Variants in FBXW7 observed in about 807,000 individuals in gnomAD.
FBXW7 encodes the protein F-box and WD repeat domain containing 7, also known as F-box/WD repeat-containing protein 7.
A neutral mutation model predicts 86.3 loss-of-function variants in FBXW7; 11 were observed. That is an observed-to-expected ratio of 0.13 (90% CI 0.08 to 0.21). The LOEUF (loss-of-function observed/expected upper bound fraction) is 0.21. Ranked by LOEUF, FBXW7 falls within the 10% of genes least tolerant of loss-of-function variation. The probability of loss-of-function intolerance (pLI) is 1.00; values close to 1 mark genes in which losing one functional copy is unlikely to be tolerated. For missense variants in FBXW7, 488 were observed against 847.4 expected, an observed-to-expected ratio of 0.58 and a Z score of 5.27; for synonymous variants, 313 against 297.9, an observed-to-expected ratio of 1.05 and a Z score of -0.52.
At chr4:152,518,097 T>G (rs562507860) in intron 2 of FBXW7, among the ~76,000 whole-genome samples, 11 of 152,276 alleles carry the variant, frequency 7.2e-5, no homozygotes, top group South Asian at 2.1e-4. Flanking sequence ...CAAGCAATTC[T>G]CCTGCCTCAG....
At chr4:152,523,820 T>C (rs1368255111) in intron 2 of FBXW7, among the ~76,000 whole-genome samples, 1 of 152,154 alleles carries the variant, frequency 6.6e-6, no homozygotes, top group Non-Finnish European at 1.5e-5. Flanking sequence ...ATCTATTTTG[T>C]TTTGTGTATT....
At chr4:152,439,593 C>T (rs538654210) in intron 2 of FBXW7, among the ~76,000 whole-genome samples, 8 of 152,090 alleles carry the variant, frequency 5.3e-5, no homozygotes, top group Middle Eastern at 3.4e-3. Context: ...AAGAAGTCCA[C>T]GGTGGCTCAG....
At chr4:152,410,275 A>T (rs1045227996) in intron 4 of FBXW7, among the ~76,000 whole-genome samples, 8 of 152,194 alleles carry the variant, frequency 5.3e-5, no homozygotes, top group East Asian at 1.9e-4. Flanking sequence ...ACCTTGAAGA[A>T]GATGATCAAG....
At chr4:152,419,494 A>AACACACACACACACACACACACAC (rs57894523) in intron 2 of FBXW7, among the ~76,000 whole-genome samples, 2 of 123,264 alleles carry the variant, frequency 1.6e-5, no homozygotes, top group Non-Finnish European at 1.7e-5. Flanking sequence ...GGATAAGGTA[A>AACACACACACACACACACACACAC]ACACACACAC....
chr4:152,523,994 A>G (rs939920792), intron 2 of FBXW7, among the ~76,000 whole-genome samples: 1 of 152,200 alleles, frequency 6.6e-6, no homozygotes, highest in Admixed American at 6.5e-5. Context: ...AAAGATCACC[A>G]ATGTCTCAGC....
intron 2 of FBXW7, among the ~76,000 whole-genome samples, chr4:152,439,334 G>A (rs143578992): frequency 3.9e-5 from 6 of 152,100 alleles, no homozygotes; most frequent in Middle Eastern, 3.4e-3. Context: ...GAATGTTCTC[G>A]AGGACCTACA....
chr4:152,364,851 C>T (rs1332539497), intron 4 of FBXW7, among the ~76,000 whole-genome samples: 1 of 152,142 alleles, frequency 6.6e-6, no homozygotes, highest in Admixed American at 6.6e-5. Context: ...TAATTATATT[C>T]TACCTAATAT....
At chr4:152,418,106 T>G (rs1290703297) in intron 2 of FBXW7, among the ~76,000 whole-genome samples, 1 of 150,596 alleles carries the variant, frequency 6.6e-6, no homozygotes, top group Non-Finnish European at 1.5e-5. Flanking sequence ...GTCATTTCAC[T>G]CATTTAAAGA....
intron 4 of FBXW7, among the ~76,000 whole-genome samples, chr4:152,361,134 A>G (rs2126697347): frequency 6.6e-6 from 1 of 152,182 alleles, no homozygotes; most frequent in South Asian, 2.1e-4. Context: ...ATAACACTGG[A>G]TTCTTGCTCT....
chr4:152,352,760 C>T (rs1319038995), intron 4 of FBXW7: 19 of 1,609,174 alleles, frequency 1.2e-5, no homozygotes, highest in East Asian at 2.2e-5. Flanking sequence ...GAGAAGAACT[C>T]GAGGGAATAA....
chr4:152,334,747 G>A (rs1477022316), intron 7 of FBXW7, among the ~76,000 whole-genome samples: 2 of 152,244 alleles, frequency 1.3e-5, no homozygotes, highest in South Asian at 2.1e-4. Flanking sequence ...ATACTAAGGC[G>A]CTAAAGAAAG....
chr4:152,509,107 T>G (rs554693146), intron 2 of FBXW7, among the ~76,000 whole-genome samples: 1 of 152,152 alleles, frequency 6.6e-6, no homozygotes, highest in African/African-American at 2.4e-5. Flanking sequence ...TTGTTTCAGG[T>G]TAAAGAAAAC....
intron 3 of FBXW7, 52 bp downstream of exon 3, chr4:152,412,428 G>A (rs1738045876): frequency 6.6e-6 from 1 of 151,106 alleles, no homozygotes; most frequent in South Asian, 2.1e-4. Flanking sequence ...CAAATGACTG[G>A]ACAGAAAATG....
At chr4:152,353,514 A>C (rs927830116) in intron 4 of FBXW7, among the ~76,000 whole-genome samples, 3 of 152,190 alleles carry the variant, frequency 2.0e-5, no homozygotes, top group African/African-American at 7.2e-5. Flanking sequence ...TTGTAAGATT[A>C]ACAAACTAGT....
rs559271937 is a variant in FBXW7, at chr4:152,327,675, T to A, written c.1418+533A>T. ...AACTGGGCAGTGACACTATCATAAT[T>A]ATAAAAGGACTATATGTCAGCTGTA... On this transcript the variant is annotated intron_variant, in intron 11 of 13. Coordinates refer to ENST00000281708, the MANE Select transcript of FBXW7 (RefSeq NM_001349798.2). Among the ~76,000 whole-genome samples, 4 of 152,084 alleles carry A rather than the reference T, an allele frequency of 2.6e-5. No individual in the cohort carries two copies. In the East Asian group the frequency reaches 7.7e-4, roughly 29 times the overall value.
intron 4 of FBXW7, among the ~76,000 whole-genome samples, chr4:152,375,953 TACGA>T (rs1734469634): frequency 6.6e-6 from 1 of 152,040 alleles, no homozygotes; most frequent in Non-Finnish European, 1.5e-5. Context: ...AGTGAGAAAT[TACGA>T]TATATTTATA....
intron 2 of FBXW7, among the ~76,000 whole-genome samples, chr4:152,475,211 T>C (rs1056479892): frequency 3.3e-5 from 5 of 151,698 alleles, no homozygotes; most frequent in African/African-American, 7.3e-5. Flanking sequence ...GGAGGATCAC[T>C]TGAGACTGGA....
At chr4:152,395,441 T>G (rs1403415694) in intron 4 of FBXW7, among the ~76,000 whole-genome samples, 2 of 152,082 alleles carry the variant, frequency 1.3e-5, no homozygotes, top group Non-Finnish European at 2.9e-5. Context: ...GTATTGTCCC[T>G]GGTTCTGATT....
intron 2 of FBXW7, among the ~76,000 whole-genome samples, chr4:152,495,005 T>A (rs1746191199): frequency 6.6e-6 from 1 of 151,922 alleles, no homozygotes; most frequent in Non-Finnish European, 1.5e-5. Flanking sequence ...GGGTACAGAG[T>A]TCCTAAATAA....
Sources: gnomAD v4.1 joint callset for allele counts (sites outside exome capture counted in the v4.1 genomes callset) on GRCh38, gnomAD v4.1.1 for gene constraint, MANE v1.5 for transcripts, NCBI Gene and HGNC (gene_info 2026-07-23, HGNC 2026-07-21) for gene names.